The following ADORA1 variants were observed in gnomAD, a reference collection of about 807,000 sequenced individuals.
The protein encoded by ADORA1 is adenosine receptor A1.
In ADORA1, 6 loss-of-function variants were observed where a neutral mutation model predicts 19.9. The ratio of observed to expected loss-of-function variants is 0.30; its 90% CI spans 0.17 to 0.59. ADORA1 has a LOEUF of 0.59. ADORA1 is among the 20% of genes least tolerant of loss of function. ADORA1 has a pLI of 0.87. For synonymous variants in ADORA1, 194 were observed against 188.4 expected, an observed-to-expected ratio of 1.03 and a Z score of -0.24; for missense variants, 302 against 439.2, an observed-to-expected ratio of 0.69 and a Z score of 2.79.
At chr1:203,131,647 C>T (rs1029350625) in intron 3 of ADORA1, among the ~76,000 whole-genome samples, 3 of 152,220 alleles carry the variant, frequency 2.0e-5, no homozygotes, top group African/African-American at 7.2e-5. Context: ...TGGGAGTGTC[C>T]TGCCCCATGG....
intron 3 of ADORA1, among the ~76,000 whole-genome samples, chr1:203,156,844 T>C (rs2102761148): frequency 6.6e-6 from 1 of 152,340 alleles, no homozygotes; most frequent in Admixed American, 6.5e-5. Context: ...AGACAGGAGC[T>C]GAACTCATCC....
intron 3 of ADORA1, among the ~76,000 whole-genome samples, chr1:203,152,965 C>G (rs1352639085): frequency 6.6e-6 from 1 of 152,210 alleles, no homozygotes; most frequent in East Asian, 1.9e-4. Context: ...GGCAAATATA[C>G]TTTGAAAACA....
intron 3 of ADORA1, among the ~76,000 whole-genome samples, chr1:203,155,481 C>T (rs1446046985): frequency 1.3e-5 from 2 of 152,190 alleles, no homozygotes; most frequent in Non-Finnish European, 2.9e-5. Flanking sequence ...GTCGGGTCTC[C>T]AACTAGAAGT....
At chr1:203,143,271 A>G (rs911943624) in intron 3 of ADORA1, among the ~76,000 whole-genome samples, 1 of 152,206 alleles carries the variant, frequency 6.6e-6, no homozygotes, top group Non-Finnish European at 1.5e-5. Flanking sequence ...GAGGGCAAGA[A>G]CATGCCAGCT....
chr1:203,163,087 A>G (rs1655421748), intron 3 of ADORA1, among the ~76,000 whole-genome samples: 2 of 152,238 alleles, frequency 1.3e-5, no homozygotes, highest in Admixed American at 1.3e-4. Context: ...TCTGTGGGGA[A>G]CACATTGAGA....
intron 3 of ADORA1, among the ~76,000 whole-genome samples, chr1:203,163,590 T>C (rs887613790): frequency 2.0e-5 from 3 of 152,156 alleles, no homozygotes; most frequent in Non-Finnish European, 4.4e-5. Flanking sequence ...GTTGGAGTCA[T>C]CTAGTCCTCA....
At chr1:203,136,466 T>C (rs1654510826) in intron 3 of ADORA1, among the ~76,000 whole-genome samples, 1 of 152,202 alleles carries the variant, frequency 6.6e-6, no homozygotes, top group Non-Finnish European at 1.5e-5. Flanking sequence ...CATTTATCTA[T>C]TTTATAAGTG....
intron 3 of ADORA1, among the ~76,000 whole-genome samples, chr1:203,143,515 G>A (rs577192805): frequency 6.6e-6 from 1 of 151,644 alleles, no homozygotes; most frequent in African/African-American, 2.4e-5. Context: ...TCTTAGTGGG[G>A]TGTGTGTATT....
chr1:203,131,556 C>T (rs1654332178), intron 3 of ADORA1, among the ~76,000 whole-genome samples: 1 of 152,198 alleles, frequency 6.6e-6, no homozygotes, highest in South Asian at 2.1e-4. Context: ...AGACCTGTCC[C>T]CACTTCTGAT....
In ADORA1 at chr1:203,150,881, C is replaced by G. The variant is rs574691792; in HGVS notation, c.342-14380C>G. 7 of 1,157,228 alleles carry G rather than the reference C, an allele frequency of 6.0e-6. No individual in the cohort carries two copies. In the East Asian group the frequency reaches 4.1e-4, roughly 67 times the overall value. The allele number at this position is 1,157,228 out of a possible 1,614,324, so 71.7% of individuals were successfully genotyped here. A position where few individuals can be genotyped will look rare whatever the true frequency, so the allele number is the denominator to read the frequency against. ...TGCTGTGAGCTTTAGGGGGCCCTGA[C>G]AGCCCAAGCTCAGTGACAGCAGCTG... On this transcript the variant is annotated intron_variant, in intron 3 of 3. Coordinates refer to ENST00000337894, the MANE Select transcript of ADORA1 (RefSeq NM_000674.3).
Position 203,129,058 on chromosome 1 carries a change from C to T in ADORA1, c.217C>T (p.Pro73Ser). The T allele has an allele frequency of 6.2e-7, 1 of 1,614,152 alleles. No homozygotes were observed. The highest frequency in any genetic ancestry group is 8.5e-7 in the Non-Finnish European group (1 of 1,180,030). ...CCTCGCCATCCTCATCAACATTGGG[C>T]CACAGACCTACTTCCACACCTGCCT... Reference protein sequence around the residue: ...IPLAILINIGPQTYFHTCLMV... With the variant: ...IPLAILINIGSQTYFHTCLMV... The change falls in exon 3 of 4, where the codon CCA becomes TCA. Residue 73 changes from proline (P) to serine (S), a missense_variant. Coordinates refer to ENST00000337894, the MANE Select transcript of ADORA1 (RefSeq NM_000674.3).
At chr1:203,157,235 C>T (rs1486959750) in intron 3 of ADORA1, among the ~76,000 whole-genome samples, 1 of 152,204 alleles carries the variant, frequency 6.6e-6, no homozygotes, top group Non-Finnish European at 1.5e-5. Context: ...CCTATGAAAT[C>T]AAAACAAGTT....
chr1:203,134,026 C>T (rs567558671), intron 3 of ADORA1, among the ~76,000 whole-genome samples: 17 of 152,180 alleles, frequency 1.1e-4, no homozygotes, highest in African/African-American at 3.1e-4. Context: ...AGAGGTAGGC[C>T]GTCTTCAGAT....
chr1:203,156,731 A>T (rs55952719), intron 3 of ADORA1, among the ~76,000 whole-genome samples: 42,892 of 152,162 alleles, frequency 0.28, 7,640 homozygotes, highest in Non-Finnish European at 0.4. Context: ...ATGAACAGAA[A>T]TTTATTTGGC....
At chr1:203,138,970 C>T (rs1452320581) in intron 3 of ADORA1, among the ~76,000 whole-genome samples, 1 of 152,060 alleles carries the variant, frequency 6.6e-6, no homozygotes, top group Non-Finnish European at 1.5e-5. Flanking sequence ...AGGTGCATGC[C>T]ACCATGCCCG....
At chr1:203,161,951 TG>T (rs1179718184) in intron 3 of ADORA1, among the ~76,000 whole-genome samples, 3 of 152,186 alleles carry the variant, frequency 2.0e-5, no homozygotes, top group African/African-American at 7.2e-5. Context: ...CTCCCGTCTC[TG>T]TTCTGTTGCT....
In ADORA1 at chr1:203,165,937, G is replaced by A; in HGVS notation, c.*37G>A. On this transcript the variant is annotated 3_prime_UTR_variant, in exon 4 of 4. Transcript: ENST00000337894. This position sits in a 1 kb window ranked among gnomAD's most constrained non-coding sequence, Gnocchi z 5.9. ...CGCTCCCACCAGCCCACATCCAGTG[G>A]GGTCTCAGTCCAGTCCTCACATGCC... is the stretch of plus-strand genomic sequence containing the variant. 1 of 1,522,874 alleles carries A rather than the reference G, an allele frequency of 6.6e-7. No homozygotes were observed. Among genetic ancestry groups the A allele is most frequent in the Non-Finnish European group, 8.8e-7 (1 of 1,137,368 alleles). 94.3% of individuals were successfully genotyped at this position (1,522,874 alleles called of 1,614,324 possible). A position where few individuals can be genotyped will look rare whatever the true frequency, so the allele number is the denominator to read the frequency against.
chr1:203,148,573 C>A (rs146027419), intron 3 of ADORA1, among the ~76,000 whole-genome samples: 49 of 152,316 alleles, frequency 3.2e-4, no homozygotes, highest in African/African-American at 1.2e-3. Context: ...AGCCTTGGCC[C>A]CCCTAGCCAG....
chr1:203,162,892 C>T (rs1281439787), intron 3 of ADORA1, among the ~76,000 whole-genome samples: 7 of 152,078 alleles, frequency 4.6e-5, no homozygotes, highest in Admixed American at 3.3e-4. Flanking sequence ...GACACCTGGC[C>T]CCGTCCTCTC....
Sources: allele counts gnomAD v4.1 joint callset (sites outside exome capture counted in the v4.1 genomes callset), GRCh38; gene constraint gnomAD v4.1.1; non-coding constraint Gnocchi (gnomAD v3.1); transcripts MANE v1.5; gene names NCBI Gene and HGNC (gene_info 2026-07-23, HGNC 2026-07-21).